ZNF385B: variants seen among roughly 807,000 people sequenced by gnomAD.
ZNF385B encodes the protein zinc finger protein 385B, also known as zinc finger protein 533.
Under a neutral mutation model 39.2 loss-of-function variants are expected in ZNF385B, and 23 were observed. The ratio of observed to expected loss-of-function variants is 0.59; its 90% CI spans 0.42 to 0.83. The LOEUF (loss-of-function observed/expected upper bound fraction) is 0.83. ZNF385B is among the 40% of genes least tolerant of loss of function. The pLI, the probability that ZNF385B is intolerant of heterozygous loss-of-function variation, is 0.00. For synonymous variants in ZNF385B, 205 were observed against 222.6 expected, an observed-to-expected ratio of 0.92 and a Z score of 0.70; for missense variants, 552 against 598.9, an observed-to-expected ratio of 0.92 and a Z score of 0.82.
At chr2:179,805,517 A>G (rs2106559398) in intron 1 of ZNF385B, among the ~76,000 whole-genome samples, 1 of 152,298 alleles carries the variant, frequency 6.6e-6, no homozygotes, top group African/African-American at 2.4e-5. Flanking sequence ...TTAACAAATT[A>G]TATTATTATA....
At chr2:179,520,457 A>T (rs1218804414) in intron 4 of ZNF385B, among the ~76,000 whole-genome samples, 5 of 152,178 alleles carry the variant, frequency 3.3e-5, no homozygotes, top group Admixed American at 2.6e-4. Flanking sequence ...TTAAAAAACT[A>T]TGTGACAAAG....
At chr2:179,840,037 T>C (rs1224197832) in intron 1 of ZNF385B, among the ~76,000 whole-genome samples, 4 of 152,158 alleles carry the variant, frequency 2.6e-5, no homozygotes, top group East Asian at 3.8e-4. Flanking sequence ...GAGCACAGGG[T>C]AGACAAGGGT....
intron 1 of ZNF385B, chr2:179,814,216 C>A (rs1706915350): frequency 5.6e-6 from 1 of 179,604 alleles, no homozygotes; most frequent in Non-Finnish European, 1.2e-5. Flanking sequence ...CTCATTGGCA[C>A]CTGGCCTTGG....
chr2:179,510,540 G>A (rs556901841), intron 5 of ZNF385B, among the ~76,000 whole-genome samples: 1 of 152,102 alleles, frequency 6.6e-6, no homozygotes, highest in Non-Finnish European at 1.5e-5. Context: ...AAAATATAAG[G>A]TAAATTTATT....
At chr2:179,542,236 G>A (rs2059964769) in intron 4 of ZNF385B, among the ~76,000 whole-genome samples, 1 of 152,062 alleles carries the variant, frequency 6.6e-6, no homozygotes, top group Non-Finnish European at 1.5e-5. Context: ...AAAATCATAG[G>A]TCACCCAATG....
intron 3 of ZNF385B, among the ~76,000 whole-genome samples, chr2:179,747,371 G>A (rs981245434): frequency 6.6e-6 from 1 of 152,030 alleles, no homozygotes; most frequent in Non-Finnish European, 1.5e-5. Flanking sequence ...ATATACCTAT[G>A]CCATTGAACA....
chr2:179,754,089 T>C (rs1004107276), intron 3 of ZNF385B, among the ~76,000 whole-genome samples: 3 of 152,180 alleles, frequency 2.0e-5, no homozygotes, highest in Admixed American at 6.5e-5. Flanking sequence ...TAGCTCTTAT[T>C]ATTTTCAGAT....
chr2:179,474,939 G>A (rs539762651), intron 6 of ZNF385B, among the ~76,000 whole-genome samples: 1 of 152,284 alleles, frequency 6.6e-6, no homozygotes, highest in East Asian at 1.9e-4. Context: ...CCCTACTGCT[G>A]TGAAGTAGAG....
intron 3 of ZNF385B, among the ~76,000 whole-genome samples, chr2:179,644,446 C>T (rs1343486098): frequency 2.6e-5 from 4 of 152,064 alleles, no homozygotes; most frequent in Non-Finnish European, 5.9e-5. Context: ...TGCTCTGCAT[C>T]GAAGTTATCA....
At chr2:179,550,799 T>C (rs1247137705) in intron 3 of ZNF385B, among the ~76,000 whole-genome samples, 1 of 149,308 alleles carries the variant, frequency 6.7e-6, no homozygotes, top group East Asian at 1.9e-4. Context: ...ATTTTGCTGC[T>C]GCTGCTGCTG....
At chr2:179,460,711 CA>C (rs2051237407) in intron 6 of ZNF385B, among the ~76,000 whole-genome samples, 2 of 152,162 alleles carry the variant, frequency 1.3e-5, no homozygotes, top group South Asian at 2.1e-4. Flanking sequence ...ATGACTCAAC[CA>C]GTCCTGTGGT....
intron 3 of ZNF385B, among the ~76,000 whole-genome samples, chr2:179,728,681 G>C (rs974720210): frequency 3.9e-5 from 6 of 152,076 alleles, no homozygotes; most frequent in Admixed American, 6.6e-5. Context: ...CCAAAGGACT[G>C]ATGTCATCAA....
chr2:179,769,687 C>G lies in ZNF385B; in HGVS notation c.114G>C (p.Gln38His). 1 of 1,614,204 alleles carries G rather than the reference C, an allele frequency of 6.2e-7. No homozygotes were observed. The highest frequency in any genetic ancestry group is 1.3e-5 in the African/African-American group (1 of 75,054). Residue 38 changes from glutamine (Q) to histidine (H), a missense_variant, in exon 3 of 10, where the codon CAG becomes CAC. Physicochemically the swap from Gln to His is conservative, Grantham distance 24. Transcript: ENST00000410066. ...GAATTTTCTTTTTCTCTTTGCTCAA[C>G]TGGTCCTCAGGCCTGTCGTTCTTTA... ...KGIKNDRPED[Q>H]LSKEKKKILF...
At chr2:179,775,472 T>C (rs767707099) in intron 1 of ZNF385B, among the ~76,000 whole-genome samples, 1 of 152,222 alleles carries the variant, frequency 6.6e-6, no homozygotes, top group Non-Finnish European at 1.5e-5. Context: ...TCCTTAGCAA[T>C]TGATTTCACT....
intron 3 of ZNF385B, among the ~76,000 whole-genome samples, chr2:179,715,042 C>T (rs1428753583): frequency 6.6e-6 from 1 of 151,280 alleles, no homozygotes; most frequent in Non-Finnish European, 1.5e-5. Context: ...TTTATACCTA[C>T]CCCCAAACCA....
At chr2:179,467,672 T>C (rs1374328749) in intron 6 of ZNF385B, among the ~76,000 whole-genome samples, 1 of 152,198 alleles carries the variant, frequency 6.6e-6, no homozygotes, top group Non-Finnish European at 1.5e-5. Context: ...GGTTCATGAC[T>C]GTGAAGCTTG....
intron 1 of ZNF385B, among the ~76,000 whole-genome samples, chr2:179,817,717 G>A (rs866261965): frequency 6.6e-6 from 1 of 151,916 alleles, no homozygotes; most frequent in African/African-American, 2.4e-5. Flanking sequence ...ATGTGGTTAT[G>A]TTCACATGAC....
intron 3 of ZNF385B, among the ~76,000 whole-genome samples, chr2:179,670,450 A>G (rs1236274892): frequency 1.3e-5 from 2 of 151,894 alleles, no homozygotes; most frequent in Non-Finnish European, 2.9e-5. Flanking sequence ...CATAAGAAAA[A>G]CTCAAGAGCA....
chr2:179,611,039 T>G (rs1689245881), intron 3 of ZNF385B, among the ~76,000 whole-genome samples: 1 of 152,176 alleles, frequency 6.6e-6, no homozygotes, highest in African/African-American at 2.4e-5. Context: ...TCTTTTATTC[T>G]CTTGTCTGAT....
Sources: allele counts gnomAD v4.1 joint callset (sites outside exome capture counted in the v4.1 genomes callset), GRCh38; gene constraint gnomAD v4.1.1; transcripts MANE v1.5; gene names NCBI Gene and HGNC (gene_info 2026-07-23, HGNC 2026-07-21).